MDGA2: variants seen among roughly 807,000 people sequenced by gnomAD.
The protein encoded by MDGA2 is MAM domain-containing glycosylphosphatidylinositol anchor protein 2.
Under a neutral mutation model 117.8 loss-of-function variants are expected in MDGA2, and 40 were observed. The observed-to-expected ratio is 0.34, with a 90% CI of 0.26 to 0.44. MDGA2 has a LOEUF of 0.44. Ranked by LOEUF, MDGA2 falls within the 20% of genes least tolerant of loss-of-function variation. The pLI, the probability that MDGA2 is intolerant of heterozygous loss-of-function variation, is 1.00. For synonymous variants in MDGA2, 452 were observed against 439.0 expected (o/e 1.03, Z -0.37); for missense variants, 1,123 against 1,250.6 (o/e 0.90, Z 1.54).
chr14:47,035,859 T>C (rs950119241), intron 7 of MDGA2, among the ~76,000 whole-genome samples: 1 of 152,218 alleles, frequency 6.6e-6, no homozygotes, highest in Non-Finnish European at 1.5e-5. Context: ...TTGAATTTAT[T>C]ATTATTTCAC....
intron 1 of MDGA2, among the ~76,000 whole-genome samples, chr14:47,604,172 C>T (rs1350742620): frequency 6.6e-6 from 1 of 152,092 alleles, no homozygotes; most frequent in African/African-American, 2.4e-5. Context: ...TTACATATGG[C>T]TGATTAACAG....
chr14:47,134,693 G>A (rs972728161), intron 4 of MDGA2, among the ~76,000 whole-genome samples: 3 of 151,252 alleles, frequency 2.0e-5, no homozygotes, highest in African/African-American at 7.3e-5. Context: ...GATACATGCA[G>A]TTACATATAT....
intron 8 of MDGA2, among the ~76,000 whole-genome samples, chr14:46,965,025 G>C (rs1053811291): frequency 1.7e-5 from 2 of 118,728 alleles, no homozygotes; most frequent in African/African-American, 8.9e-5. Flanking sequence ...CCGGGTTCAC[G>C]CCATTCTCCT....
intron 14 of MDGA2, among the ~76,000 whole-genome samples, chr14:46,864,415 T>G (rs556199553): frequency 1.3e-5 from 2 of 151,408 alleles, no homozygotes; most frequent in African/African-American, 2.4e-5. Context: ...ATTTTAGTTC[T>G]TTACATTTTA....
chr14:47,270,313 G>T (rs1888104313), intron 2 of MDGA2, among the ~76,000 whole-genome samples: 2 of 152,048 alleles, frequency 1.3e-5, no homozygotes, highest in Admixed American at 1.3e-4. Flanking sequence ...TCCTGATTGT[G>T]TCTAATAGAA....
intron 6 of MDGA2, among the ~76,000 whole-genome samples, chr14:47,090,928 C>T (rs775656991): frequency 1.3e-5 from 2 of 152,136 alleles, no homozygotes; most frequent in African/African-American, 4.8e-5. Flanking sequence ...CCTAGCCACC[C>T]TCTAGCTGCA....
intron 1 of MDGA2, among the ~76,000 whole-genome samples, chr14:47,311,391 A>G (rs1889629407): frequency 6.6e-6 from 1 of 152,160 alleles, no homozygotes; most frequent in Non-Finnish European, 1.5e-5. Flanking sequence ...TAGGCAGAGA[A>G]TTGTGAGGAT....
intron 2 of MDGA2, among the ~76,000 whole-genome samples, chr14:47,227,261 G>T (rs1219842662): frequency 6.6e-6 from 1 of 152,126 alleles, no homozygotes; most frequent in Non-Finnish European, 1.5e-5. Flanking sequence ...AATCTTGGGA[G>T]TTTATTCCCT....
chr14:46,990,607 T>A (rs1386634726), intron 8 of MDGA2, among the ~76,000 whole-genome samples: 1 of 152,040 alleles, frequency 6.6e-6, no homozygotes, highest in Non-Finnish European at 1.5e-5. Context: ...TCTGCTAATG[T>A]CTAGTTACAC....
chr14:47,386,341 G>C (rs1223930449), intron 1 of MDGA2, among the ~76,000 whole-genome samples: 2 of 152,080 alleles, frequency 1.3e-5, no homozygotes, highest in East Asian at 3.8e-4. Flanking sequence ...CAATGATTTT[G>C]ATTTCATAAA....
intron 1 of MDGA2, among the ~76,000 whole-genome samples, chr14:47,609,723 C>T (rs1896814370): frequency 6.6e-6 from 1 of 151,250 alleles, no homozygotes; most frequent in Non-Finnish European, 1.5e-5. Flanking sequence ...GAAGTGTTCC[C>T]CAATCACCGC....
At chr14:47,634,695 G>C (rs941259126) in intron 1 of MDGA2, among the ~76,000 whole-genome samples, 1 of 151,954 alleles carries the variant, frequency 6.6e-6, no homozygotes, top group African/African-American at 2.4e-5. Flanking sequence ...ATTGATCTTA[G>C]TAGCAGTTAA....
chr14:47,200,302 T>C (rs1885445324), intron 3 of MDGA2, among the ~76,000 whole-genome samples: 1 of 151,876 alleles, frequency 6.6e-6, no homozygotes, highest in African/African-American at 2.4e-5. Context: ...TGTAATCAAA[T>C]ACAATAGAGC....
intron 2 of MDGA2, among the ~76,000 whole-genome samples, chr14:47,271,955 G>A (rs916844108): frequency 1.3e-5 from 2 of 151,938 alleles, no homozygotes; most frequent in Non-Finnish European, 2.9e-5. Flanking sequence ...GTACACCCCA[G>A]TTTTGACACT....
At chr14:47,358,949 A>T (rs1017931739) in intron 1 of MDGA2, among the ~76,000 whole-genome samples, 1 of 152,196 alleles carries the variant, frequency 6.6e-6, no homozygotes, top group Non-Finnish European at 1.5e-5. Flanking sequence ...TTTCACTTAA[A>T]CAAACAAACA....
chr14:46,946,272 G>A (rs1216527307), intron 9 of MDGA2, among the ~76,000 whole-genome samples: 5 of 151,922 alleles, frequency 3.3e-5, no homozygotes, highest in Non-Finnish European at 7.4e-5. Context: ...TAGGCAGTGA[G>A]CTCAATATGA....
chr14:47,654,847 T>A (rs1206749588), intron 1 of MDGA2, among the ~76,000 whole-genome samples: 2 of 151,992 alleles, frequency 1.3e-5, no homozygotes, highest in Non-Finnish European at 2.9e-5. Flanking sequence ...CTGGCAGAAG[T>A]TAGAAGAGTG....
chr14:47,316,109 G>T (rs1430441682), intron 1 of MDGA2, among the ~76,000 whole-genome samples: 1 of 151,926 alleles, frequency 6.6e-6, no homozygotes, highest in Non-Finnish European at 1.5e-5. Context: ...TTATATAATG[G>T]GGATGATATG....
At chr14:47,176,514 G>C (rs1313763942) in intron 3 of MDGA2, among the ~76,000 whole-genome samples, 1 of 152,102 alleles carries the variant, frequency 6.6e-6, no homozygotes, top group Non-Finnish European at 1.5e-5. Context: ...ACAACTATCT[G>C]ATCTTTGACA....
Sources: gnomAD v4.1 joint callset for allele counts (sites outside exome capture counted in the v4.1 genomes callset) on GRCh38, gnomAD v4.1.1 for gene constraint, MANE v1.5 for transcripts, NCBI Gene and HGNC (gene_info 2026-07-23, HGNC 2026-07-21) for gene names.